The following COMMD10 variants were observed in gnomAD, a reference collection of about 807,000 sequenced individuals.
COMMD10 encodes the protein COMM domain containing 10.
COMMD10 carries 33 observed loss-of-function variants against 28.9 expected under a neutral mutation model. The observed-to-expected ratio is 1.14, with a 90% confidence interval of 0.87 to 1.53. The LOEUF (loss-of-function observed/expected upper bound fraction) is 1.53. COMMD10 is among the 40% of genes most tolerant of loss of function. The probability of loss-of-function intolerance (pLI) is 0.00; values close to 1 mark genes in which losing one functional copy is unlikely to be tolerated. For missense variants in COMMD10, 310 were observed against 233.4 expected (o/e 1.33, Z -2.14); for synonymous variants, 110 against 81.7 (o/e 1.35, Z -1.87).
At chr5:116,234,209 C>T (rs6863773) in intron 5 of COMMD10, among the ~76,000 whole-genome samples, 8,096 of 152,154 alleles carry the variant, frequency 0.053, 308 homozygotes, top group African/African-American at 0.11. Context: ...AAATTCTCAG[C>T]AGCATCAGAG....
At chr5:116,223,872 A>C in intron 5 of COMMD10, among the ~76,000 whole-genome samples, 1 of 152,164 alleles carries the variant, frequency 6.6e-6, no homozygotes. Context: ...TTAAGAATGA[A>C]GGTTATTCCA....
At chr5:116,268,924 A>G (rs892615872) in intron 5 of COMMD10, among the ~76,000 whole-genome samples, 1 of 151,424 alleles carries the variant, frequency 6.6e-6, no homozygotes, top group Non-Finnish European at 1.5e-5. Context: ...AGAGAGAGGA[A>G]CATCACAAAC....
chr5:116,279,407 T>C (rs1751008935), intron 5 of COMMD10, among the ~76,000 whole-genome samples: 1 of 151,960 alleles, frequency 6.6e-6, no homozygotes, highest in African/African-American at 2.4e-5. Flanking sequence ...CATGTATTTG[T>C]TGCAGTTGTC....
chr5:116,291,784 T>G (rs530439688), intron 6 of COMMD10, among the ~76,000 whole-genome samples: 256 of 147,090 alleles, frequency 1.7e-3, no homozygotes, highest in African/African-American at 5.9e-3. Flanking sequence ...GAAAATAGTT[T>G]TAATTAAAGC....
intron 5 of COMMD10, among the ~76,000 whole-genome samples, chr5:116,258,391 C>T (rs1023012093): frequency 4.0e-5 from 6 of 151,414 alleles, no homozygotes; most frequent in Non-Finnish European, 8.8e-5. Flanking sequence ...TTAAATTTAG[C>T]TTCCTACTTT....
intron 1 of COMMD10, 27 bp downstream of exon 1, chr5:116,085,120 T>G (rs774293617): frequency 1.3e-6 from 2 of 1,591,206 alleles, no homozygotes; most frequent in Non-Finnish European, 1.7e-6. Flanking sequence ...GCTCTTGCGG[T>G]AGCCGCGCCC....
intron 4 of COMMD10, among the ~76,000 whole-genome samples, chr5:116,121,413 G>C (rs1751431639): frequency 6.6e-6 from 1 of 152,178 alleles, no homozygotes. Context: ...CCAAGTATTT[G>C]CTTTTGAGAA....
chr5:116,243,085 G>A (rs1372982476), intron 5 of COMMD10, among the ~76,000 whole-genome samples: 1 of 152,132 alleles, frequency 6.6e-6, no homozygotes, highest in Non-Finnish European at 1.5e-5. Context: ...AAGTGATTGT[G>A]ATGTCCAAGA....
At chr5:116,213,895 A>AT (rs1231780493) in intron 5 of COMMD10, among the ~76,000 whole-genome samples, 4 of 152,190 alleles carry the variant, frequency 2.6e-5, no homozygotes, top group Middle Eastern at 3.4e-3. Context: ...ACAAAAAGGA[A>AT]TTTTTTTGTA....
intron 4 of COMMD10, among the ~76,000 whole-genome samples, chr5:116,109,645 T>C (rs1463464659): frequency 6.6e-6 from 1 of 152,202 alleles, no homozygotes; most frequent in Non-Finnish European, 1.5e-5. Flanking sequence ...TTGTAGCCAT[T>C]GTAAATGGGA....
At chr5:116,133,073 A>G (rs1751911524) in intron 4 of COMMD10, among the ~76,000 whole-genome samples, 2 of 152,112 alleles carry the variant, frequency 1.3e-5, no homozygotes, top group South Asian at 2.1e-4. Flanking sequence ...AGTGATTAGT[A>G]TTCTAGTCAA....
At chr5:116,266,096 G>T (rs1381930776) in intron 5 of COMMD10, among the ~76,000 whole-genome samples, 1 of 151,618 alleles carries the variant, frequency 6.6e-6, no homozygotes, top group Non-Finnish European at 1.5e-5. Flanking sequence ...TTAAAAAAGC[G>T]GCAGGATTTT....
Position 116,087,496 on chromosome 5 carries a change from G to A in COMMD10, c.42-1G>A, listed in dbSNP as rs749594188. ...AAACTCTGTTTTATAATTTTGTTTAGCATGAAGAAAGCAGTGTCACTGATA... is the reference window on the plus strand; with the variant it reads ...AAACTCTGTTTTATAATTTTGTTTAACATGAAGAAAGCAGTGTCACTGATA... On this transcript the variant is annotated splice_acceptor_variant, in intron 1 of 6. Transcript: ENST00000274458. LOFTEE classifies it high-confidence loss of function. The A allele has an allele frequency of 2.5e-6, 4 of 1,589,032 alleles. No homozygotes were observed. The highest frequency in any genetic ancestry group is 3.5e-6 in the Non-Finnish European group (4 of 1,157,310).
intron 5 of COMMD10, chr5:116,217,967 A>T: frequency 1.2e-6 from 1 of 804,734 alleles, no homozygotes; most frequent in Non-Finnish European, 2.1e-6. Flanking sequence ...TGGTAAAAAT[A>T]GTATTTCAAA....
intron 5 of COMMD10, among the ~76,000 whole-genome samples, chr5:116,262,255 A>G (rs1052721756): frequency 3.3e-5 from 5 of 151,814 alleles, no homozygotes; most frequent in Middle Eastern, 3.4e-3. Context: ...TAAAATTTCT[A>G]CATCCCTCAA....
intron 5 of COMMD10, among the ~76,000 whole-genome samples, chr5:116,164,689 T>G (rs1753034602): frequency 6.6e-6 from 1 of 152,240 alleles, no homozygotes; most frequent in Non-Finnish European, 1.5e-5. Context: ...TTCATGTATT[T>G]ACTCATAATA....
chr5:116,274,247 G>A (rs1188456388), intron 5 of COMMD10, among the ~76,000 whole-genome samples: 1 of 151,760 alleles, frequency 6.6e-6, no homozygotes, highest in East Asian at 1.9e-4. Context: ...ATGCTTATTA[G>A]GTCACTTTTG....
chr5:116,125,224 C>G (rs370706000), intron 4 of COMMD10, among the ~76,000 whole-genome samples: 249 of 152,274 alleles, frequency 1.6e-3, no homozygotes, highest in Non-Finnish European at 3.0e-3. Context: ...GTGCTTCCTT[C>G]AGGAGCTCTT....
chr5:116,126,051 C>T (rs1331367225), intron 4 of COMMD10, among the ~76,000 whole-genome samples: 1 of 152,200 alleles, frequency 6.6e-6, no homozygotes, highest in African/African-American at 2.4e-5. Context: ...CCCAAAATCT[C>T]CTTAAGCTGA....
Sources: allele counts gnomAD v4.1 joint callset (sites outside exome capture counted in the v4.1 genomes callset), GRCh38; gene constraint gnomAD v4.1.1; transcripts MANE v1.5; gene names NCBI Gene and HGNC (gene_info 2026-07-23, HGNC 2026-07-21).